The following TRAPPC12 variants were observed in gnomAD, a reference collection of about 807,000 sequenced individuals.
TRAPPC12 encodes the protein trafficking protein particle complex subunit 12.
A neutral mutation model predicts 69.2 loss-of-function variants in TRAPPC12; 61 were observed. The observed-to-expected ratio is 0.88, with a 90% CI of 0.72 to 1.09. TRAPPC12 has a LOEUF of 1.09. Among genes scored for constraint, TRAPPC12 ranks in the 50% least tolerant of loss-of-function variants. TRAPPC12 has a pLI of 0.00. For missense variants in TRAPPC12, 1,101 were observed against 1,016.4 expected (o/e 1.08, Z -1.13); for synonymous variants, 469 against 438.9 (o/e 1.07, Z -0.86).
At chr2:3,463,205 T>G (rs186798734) in intron 8 of TRAPPC12, 26 of 293,566 alleles carry the variant, frequency 8.9e-5, no homozygotes, top group African/African-American at 5.9e-4. Context: ...AGTCATTAAG[T>G]AACCGTCAAC....
At chr2:3,446,320 G>GGT (rs949125936) in intron 6 of TRAPPC12, among the ~76,000 whole-genome samples, 1 of 152,212 alleles carries the variant, frequency 6.6e-6, no homozygotes, top group Non-Finnish European at 1.5e-5. Context: ...TTTATGAAAA[G>GGT]GTGTGTGTTG....
Position 3,388,272 on chromosome 2 carries a change from C to T in TRAPPC12, c.649C>T (p.His217Tyr). Residue 217 changes from histidine to tyrosine, a missense_variant, in exon 2 of 12, where the codon CAC (histidine) becomes TAC (tyrosine). Physicochemically the swap from His to Tyr is moderately conservative, Grantham distance 83. Coordinates refer to ENST00000324266, the MANE Select transcript of TRAPPC12 (RefSeq NM_016030.6). The stretch of plus-strand genomic sequence containing the variant: ...GTTCTTCGGAGACACGGCCGCCAGC[C>T]ACTCCTTGGCCTCGGACTTCTTCGA... ...STFFGDTAAS[H>Y]SLASDFFDSF... 6.2e-7 allele frequency: 1 copy of T among 1,607,984 alleles called. No homozygotes were observed. Among genetic ancestry groups the T allele is most frequent in the Non-Finnish European group, 8.5e-7 (1 of 1,177,120 alleles).
chr2:3,425,036 T>C (rs1663023645), intron 5 of TRAPPC12, among the ~76,000 whole-genome samples: 1 of 152,266 alleles, frequency 6.6e-6, no homozygotes, highest in African/African-American at 2.4e-5. Flanking sequence ...AACGTGTCCG[T>C]GCATATGGCA....
intron 6 of TRAPPC12, among the ~76,000 whole-genome samples, chr2:3,446,270 G>T (rs766211875): frequency 1.3e-5 from 2 of 152,198 alleles, no homozygotes; most frequent in East Asian, 3.8e-4. Context: ...TGAGGAAATC[G>T]CAATTCGTTC....
At chr2:3,477,484 T>C (rs1666342540) in intron 9 of TRAPPC12, among the ~76,000 whole-genome samples, 1 of 152,262 alleles carries the variant, frequency 6.6e-6, no homozygotes, top group Admixed American at 6.5e-5. Flanking sequence ...TATTAGCAAC[T>C]TAGTTTCTGA....
At chr2:3,466,536 G>T in intron 9 of TRAPPC12, 1 of 396,330 alleles carries the variant, frequency 2.5e-6, no homozygotes, top group East Asian at 7.3e-5. Context: ...TTTGAACAGG[G>T]CCTCTGTGAA....
chr2:3,440,927 T>C (rs949452031), intron 5 of TRAPPC12, among the ~76,000 whole-genome samples: 1 of 152,240 alleles, frequency 6.6e-6, no homozygotes, highest in Non-Finnish European at 1.5e-5. Flanking sequence ...TTTTGTTCTT[T>C]AGCCTGTTTG....
chr2:3,458,990 A>G (rs984946538), intron 7 of TRAPPC12, among the ~76,000 whole-genome samples: 2 of 152,266 alleles, frequency 1.3e-5, no homozygotes, highest in African/African-American at 4.8e-5. Flanking sequence ...TGTGTTTTTC[A>G]TTGCTGAAAG....
chr2:3,467,840 G>A (rs71449671), intron 9 of TRAPPC12: 18,325 of 152,316 alleles, frequency 0.12, 1,267 homozygotes, highest in South Asian at 0.19. Flanking sequence ...CATCTCCGCT[G>A]GGTTCAGCAG....
chr2:3,399,787 C>A (rs1025920061), intron 2 of TRAPPC12, among the ~76,000 whole-genome samples: 2 of 151,988 alleles, frequency 1.3e-5, no homozygotes, highest in African/African-American at 4.8e-5. Flanking sequence ...GAAACAACTT[C>A]TATGCTTTTC....
At chr2:3,398,548 G>A (rs993439890) in intron 2 of TRAPPC12, among the ~76,000 whole-genome samples, 1 of 152,222 alleles carries the variant, frequency 6.6e-6, no homozygotes, top group African/African-American at 2.4e-5. Context: ...CTGCCTTTCA[G>A]CAGCGCTACC....
intron 5 of TRAPPC12, among the ~76,000 whole-genome samples, chr2:3,433,673 G>A (rs1028065865): frequency 6.6e-6 from 1 of 152,168 alleles, no homozygotes; most frequent in African/African-American, 2.4e-5. Flanking sequence ...TTTCTATAGT[G>A]GCAGCACGGA....
intron 3 of TRAPPC12, among the ~76,000 whole-genome samples, chr2:3,420,478 C>T (rs1662714971): frequency 6.6e-6 from 1 of 152,196 alleles, no homozygotes; most frequent in Non-Finnish European, 1.5e-5. Flanking sequence ...TTTCATGTAT[C>T]TTCTTTAATT....
rs1666437996 is a variant in TRAPPC12, at chr2:3,479,254, G to C, written c.2001G>C (p.Leu667=). 2.5e-6 allele frequency: 4 copies of C among 1,613,960 alleles called. No individual in the cohort carries two copies. The highest frequency in any genetic ancestry group is 1.3e-5 in the African/African-American group (1 of 74,930). ...NNNAAVCLLY[L]GKLKDSLRQL... is the part of the protein sequence containing the mutation. ...ACGCTGCCGTGTGTCTGCTCTACCTGGGCAAGCTCAAGGACTCCCTGCGGC... is the reference window on the plus strand; with the variant it reads ...ACGCTGCCGTGTGTCTGCTCTACCTCGGCAAGCTCAAGGACTCCCTGCGGC... The change falls in exon 12 of 12, where the codon CTG becomes CTC. Residue 667 remains leucine (L), a synonymous_variant. Coordinates refer to ENST00000324266, the MANE Select transcript of TRAPPC12 (RefSeq NM_016030.6).
At chr2:3,400,431 C>T (rs1287908602) in intron 2 of TRAPPC12, among the ~76,000 whole-genome samples, 4 of 152,098 alleles carry the variant, frequency 2.6e-5, no homozygotes, top group Non-Finnish European at 5.9e-5. Context: ...GACCTCAGCG[C>T]TGCTTCCCTT....
intron 6 of TRAPPC12, among the ~76,000 whole-genome samples, chr2:3,450,714 A>C (rs1323172157): frequency 1.3e-5 from 2 of 152,122 alleles, no homozygotes; most frequent in African/African-American, 4.8e-5. Flanking sequence ...GGACTTTCCA[A>C]AATCTAAGTC....
intron 6 of TRAPPC12, among the ~76,000 whole-genome samples, chr2:3,454,283 T>A (rs1052056903): frequency 6.8e-6 from 1 of 146,262 alleles, no homozygotes; most frequent in African/African-American, 2.6e-5. Context: ...TCTGGAGGGG[T>A]GTAGCCTGCC....
rs997735673 is a variant in TRAPPC12 at position 3,387,735 on chromosome 2, C to A, written c.112C>A (p.Leu38Ile). 3.1e-6 allele frequency: 5 copies of A among 1,608,630 alleles called. No homozygotes were observed. The highest frequency in any genetic ancestry group is 4.2e-6 in the Non-Finnish European group (5 of 1,177,558). ...GCTCTTCCAGGAGGAAACCATCGATCTTGGCGGAGATGAGTTTGGATCCGA... is the reference window on the plus strand; with the variant it reads ...GCTCTTCCAGGAGGAAACCATCGATATTGGCGGAGATGAGTTTGGATCCGA... ...GLLFQEETIDLGGDEFGSEEN... is the reference protein window; with the variant it reads ...GLLFQEETIDIGGDEFGSEEN... Residue 38 changes from leucine to isoleucine, a missense_variant, in exon 2 of 12, where the codon CTT becomes ATT. Physicochemically the swap from Leu to Ile is conservative, Grantham distance 5 (BLOSUM62 2). Coordinates refer to ENST00000324266, the MANE Select transcript of TRAPPC12 (RefSeq NM_016030.6).
intron 1 of TRAPPC12, among the ~76,000 whole-genome samples, chr2:3,382,130 C>CTTTTTTTTTT (rs70938942): frequency 1.1e-5 from 1 of 93,594 alleles, no homozygotes; most frequent in African/African-American, 4.3e-5. Context: ...TTTATTTCCA[C>CTTTTTTTTTT]TTTTTTTTTT....
Sources: allele counts gnomAD v4.1 joint callset (sites outside exome capture counted in the v4.1 genomes callset), GRCh38; gene constraint gnomAD v4.1.1; transcripts MANE v1.5; gene names NCBI Gene and HGNC (gene_info 2026-07-23, HGNC 2026-07-21).